PAK5: variants seen among roughly 807,000 people sequenced by gnomAD.
The protein encoded by PAK5 is p21 (RAC1) activated kinase 5, also known as serine/threonine-protein kinase PAK 5.
In PAK5, 16 loss-of-function variants were observed where a neutral mutation model predicts 65.9. That is an observed-to-expected ratio of 0.24 (90% CI 0.16 to 0.37). The LOEUF (loss-of-function observed/expected upper bound fraction) is 0.37. Among genes scored for constraint, PAK5 ranks in the 10% least tolerant of loss-of-function variants. The probability of loss-of-function intolerance (pLI) is 1.00; values close to 1 mark genes in which losing one functional copy is unlikely to be tolerated. For synonymous variants in PAK5, 371 were observed against 354.9 expected, an observed-to-expected ratio of 1.05 and a Z score of -0.51; for missense variants, 785 against 903.9, an observed-to-expected ratio of 0.87 and a Z score of 1.69.
intron 2 of PAK5, among the ~76,000 whole-genome samples, chr20:9,707,490 G>A (rs936966657): frequency 3.9e-5 from 6 of 152,042 alleles, no homozygotes; most frequent in South Asian, 2.1e-4. Context: ...TTTTCTTCCC[G>A]GTAGATTGTT....
intron 3 of PAK5, among the ~76,000 whole-genome samples, chr20:9,632,268 G>A (rs1374251187): frequency 6.6e-6 from 1 of 152,104 alleles, no homozygotes; most frequent in African/African-American, 2.4e-5. Flanking sequence ...CACTCTATGG[G>A]AAACCAACAC....
At chr20:9,643,676 A>G (rs182926242) in intron 3 of PAK5, among the ~76,000 whole-genome samples, 2 of 152,320 alleles carry the variant, frequency 1.3e-5, no homozygotes, top group East Asian at 3.9e-4. Context: ...ATATATATTT[A>G]TCAATACCAT....
Position 9,618,929 on chromosome 20 carries a change from T to G in PAK5, c.204+25196A>C, listed in dbSNP as rs1052073416. Among the ~76,000 whole-genome samples the G allele has an allele frequency of 1.5e-4, 16 of 106,494 alleles. No homozygotes were observed. The East Asian group carries it at 4.4e-3, about 29-fold the overall frequency. 69.9% of individuals were successfully genotyped at this position (106,494 alleles called of 152,430 possible). A position where few individuals can be genotyped will look rare whatever the true frequency, so the allele number is the denominator to read the frequency against. On this transcript the variant is annotated intron_variant, in intron 3 of 9. Coordinates refer to ENST00000353224, the MANE Select transcript of PAK5 (RefSeq NM_177990.4). Reference sequence around the variant, plus strand: ...CTCTTTCTTTCGTTTTTTTTTTTTTTTTTTTTTTTTTTTTTTTTTTAATCT... The same window carrying G: ...CTCTTTCTTTCGTTTTTTTTTTTTTGTTTTTTTTTTTTTTTTTTTTAATCT...
In PAK5 at chr20:9,654,708, C is replaced by A. The variant is rs574612180; in HGVS notation, c.-11-10369G>T. Among the ~76,000 whole-genome samples, 24 of 152,260 alleles carry A rather than the reference C, an allele frequency of 1.6e-4. No homozygotes were observed. The East Asian group carries it at 4.7e-3, about 30-fold the overall frequency. On this transcript the variant is annotated intron_variant, in intron 2 of 9. Coordinates refer to ENST00000353224, the MANE Select transcript of PAK5 (RefSeq NM_177990.4). The stretch of plus-strand genomic sequence containing the variant: ...GAGCTTACAAGGCTCCTGGGGACCA[C>A]CCCTTGGTACCTCTCTAACTGTATA...
intron 2 of PAK5, among the ~76,000 whole-genome samples, chr20:9,703,220 C>T (rs1303211404): frequency 6.6e-6 from 1 of 152,174 alleles, no homozygotes; most frequent in Non-Finnish European, 1.5e-5. Flanking sequence ...TCCAAGTGTC[C>T]TTGACAAACA....
chr20:9,624,701 C>T (rs551994026), intron 3 of PAK5, among the ~76,000 whole-genome samples: 6 of 151,980 alleles, frequency 3.9e-5, no homozygotes, highest in South Asian at 4.2e-4. Flanking sequence ...GGGTGGAGCA[C>T]GCCTCAGCTC....
intron 1 of PAK5, among the ~76,000 whole-genome samples, chr20:9,834,122 TG>T (rs1229482552): frequency 6.6e-6 from 1 of 152,226 alleles, no homozygotes; most frequent in Non-Finnish European, 1.5e-5. Flanking sequence ...GTCTAATTTT[TG>T]GTTACTTACA....
chr20:9,678,951 G>C (rs949513585), intron 2 of PAK5, among the ~76,000 whole-genome samples: 5 of 152,150 alleles, frequency 3.3e-5, no homozygotes, highest in Non-Finnish European at 5.9e-5. Flanking sequence ...TTCCCAGGCA[G>C]AGTCTGAATA....
At chr20:9,651,694 T>C (rs1364827129) in intron 2 of PAK5, among the ~76,000 whole-genome samples, 1 of 152,164 alleles carries the variant, frequency 6.6e-6, no homozygotes, top group Non-Finnish European at 1.5e-5. Flanking sequence ...CCCCAGGGGC[T>C]TTGATTGCCT....
intron 2 of PAK5, among the ~76,000 whole-genome samples, chr20:9,698,712 A>G (rs1408738336): frequency 6.6e-6 from 1 of 152,192 alleles, no homozygotes; most frequent in Non-Finnish European, 1.5e-5. Flanking sequence ...GAGGTTAAGA[A>G]GTGAACTCAG....
intron 3 of PAK5, among the ~76,000 whole-genome samples, chr20:9,615,428 G>A (rs888696890): frequency 1.6e-4 from 24 of 152,160 alleles, no homozygotes; most frequent in African/African-American, 5.3e-4. Flanking sequence ...GGGGCAGGGG[G>A]CATATGGAAA....
At chr20:9,551,718 T>C (rs6140960) in intron 7 of PAK5, among the ~76,000 whole-genome samples, 23,171 of 152,096 alleles carry the variant, frequency 0.15, 2,599 homozygotes, top group African/African-American at 0.31. Context: ...TGGCACTCAG[T>C]GTACAATGTA....
intron 3 of PAK5, among the ~76,000 whole-genome samples, chr20:9,587,811 A>T (rs896596206): frequency 1.3e-5 from 2 of 152,154 alleles, no homozygotes; most frequent in African/African-American, 4.8e-5. Context: ...TTTATAACAA[A>T]AAAGTTAGAC....
chr20:9,782,097 C>A (rs1424264927), intron 1 of PAK5, among the ~76,000 whole-genome samples: 9 of 152,096 alleles, frequency 5.9e-5, no homozygotes, highest in Non-Finnish European at 1.0e-4. Context: ...TCTCTATTAC[C>A]TCCCCTTGTT....
intron 1 of PAK5, among the ~76,000 whole-genome samples, chr20:9,749,037 T>G (rs536285477): frequency 3.6e-4 from 52 of 145,772 alleles, no homozygotes; most frequent in Non-Finnish European, 6.8e-4. Flanking sequence ...TAGTTTAAAT[T>G]TATTGTGATT....
Position 9,747,530 on chromosome 20 carries a change from T to C in PAK5, c.-161-36095A>G, listed in dbSNP as rs1406646171. Among the ~76,000 whole-genome samples, 72 of 151,202 alleles carry C rather than the reference T, an allele frequency of 4.8e-4. 1 individual carries two copies. The South Asian group carries it at 0.015, about 31-fold the overall frequency. Reference sequence around the variant, plus strand: ...TCCCTGGGATGCAAGGCTGGTTCAATATACGCAAATCAATAAATGTAATCC... The same window carrying C: ...TCCCTGGGATGCAAGGCTGGTTCAACATACGCAAATCAATAAATGTAATCC... On this transcript the variant is annotated intron_variant, in intron 1 of 9. Transcript: ENST00000353224.
At chr20:9,728,115 C>T (rs1212787331) in intron 1 of PAK5, among the ~76,000 whole-genome samples, 3 of 151,868 alleles carry the variant, frequency 2.0e-5, no homozygotes, top group East Asian at 1.9e-4. Flanking sequence ...CAATGAGGGC[C>T]CTGCCCTCAT....
chr20:9,600,169 G>A (rs553529034), intron 3 of PAK5, among the ~76,000 whole-genome samples: 1 of 152,246 alleles, frequency 6.6e-6, no homozygotes, highest in South Asian at 2.1e-4. Context: ...ATATGTGAGG[G>A]TTTGTTTCTG....
In PAK5 at chr20:9,711,361, T is replaced by C. The variant is rs2048075284; in HGVS notation, c.-87A>G. ...TTTCTATTCTGCAACTTTTCGCTGG[T>C]GCTTGTCAGTCTTCTTCATTTTTCC... On this transcript the variant is annotated 5_prime_UTR_variant, in exon 2 of 10. Transcript: ENST00000353224. 1 of 152,220 alleles carries C rather than the reference T, an allele frequency of 6.6e-6. No homozygotes were observed. Among genetic ancestry groups the C allele is most frequent in the Non-Finnish European group, 1.5e-5 (1 of 68,032 alleles). The allele number at this position is 152,220 out of a possible 1,614,324, so 9.4% of individuals were successfully genotyped here. A position where few individuals can be genotyped will look rare whatever the true frequency, so the allele number is the denominator to read the frequency against.
Sources: gnomAD v4.1 joint callset for allele counts (sites outside exome capture counted in the v4.1 genomes callset) on GRCh38, gnomAD v4.1.1 for gene constraint, MANE v1.5 for transcripts, NCBI Gene and HGNC (gene_info 2026-07-23, HGNC 2026-07-21) for gene names.